Variants in SP140 observed in about 807,000 individuals in gnomAD.
SP140 encodes the protein nuclear body protein SP140.
In SP140, 81 loss-of-function variants were observed where a neutral mutation model predicts 125.0. That is an observed-to-expected ratio of 0.65 (90% CI 0.54 to 0.78). The LOEUF (loss-of-function observed/expected upper bound fraction) is 0.78, where lower values mean the gene tolerates loss of function less well. Among genes scored for constraint, SP140 ranks in the 30% least tolerant of loss-of-function variants. The probability of loss-of-function intolerance (pLI) is 0.00; values close to 1 mark genes in which losing one functional copy is unlikely to be tolerated. For missense variants in SP140, 858 were observed against 1,037.0 expected (o/e 0.83, Z 2.37); for synonymous variants, 312 against 354.0 (o/e 0.88, Z 1.33).
rs755559364 is a variant in SP140 at position 230,225,849 on chromosome 2, C to T, written c.5C>T (p.Ala2Val). Residue 2 changes from alanine (A) to valine (V), a missense_variant, in exon 1 of 27, where the codon GCC becomes GTC. Physicochemically the swap from Ala to Val is moderately conservative, Grantham distance 64 (BLOSUM62 0). Transcript: ENST00000392045. ...GTGTGATCCTAGGCCAAGCTCATGG[C>T]CCAGCAGGGCCAGCAGGGGCAGATG... is the stretch of plus-strand genomic sequence containing the variant. Reference protein sequence around the residue: MAQQGQQGQMAS... With the variant: MVQQGQQGQMAS... 2.5e-6 allele frequency: 4 copies of T among 1,613,898 alleles called. No homozygotes were observed. Among genetic ancestry groups the T allele is most frequent in the Non-Finnish European group, 3.4e-6 (4 of 1,179,808 alleles).
the SP140 span, chr2:230,186,262 T>G: frequency 3.1e-6 from 3 of 978,778 alleles, no homozygotes; most frequent in Non-Finnish European, 4.7e-6. Context: ...GTGTGTATCT[T>G]TCTTCCCCCC....
chr2:230,292,985 C>T (rs370640948), intron 20 of SP140, among the ~76,000 whole-genome samples, 197 bp downstream of exon 20: 37 of 152,304 alleles, frequency 2.4e-4, no homozygotes, highest in African/African-American at 8.2e-4. Flanking sequence ...CCAGGGGCTC[C>T]GTCAGGATAG....
At position 230,274,960 on chromosome 2, in the gene SP140, A is replaced by C. The variant is rs188229718; in HGVS notation, c.1498+4321A>C. Among the ~76,000 whole-genome samples the C allele has an allele frequency of 2.4e-4, 37 of 152,222 alleles. 1 individual carries two copies. The highest frequency in any genetic ancestry group is 8.7e-4 in the African/African-American group (36 of 41,548). On this transcript the variant is annotated intron_variant, in intron 15 of 26. Coordinates refer to ENST00000392045, the MANE Select transcript of SP140 (RefSeq NM_007237.5). Reference sequence around the variant, plus strand: ...AAACATTTAATATCTTGCCAACTTAACTGTAAAAAAAAGTTTTATTTCATT... The same window carrying C: ...AAACATTTAATATCTTGCCAACTTACCTGTAAAAAAAAGTTTTATTTCATT...
At position 230,288,345 on chromosome 2, in the gene SP140, G is replaced by C. The variant is rs189656607; in HGVS notation, c.1720+379G>C. On this transcript the variant is annotated intron_variant, in intron 18 of 26. Transcript: ENST00000392045. Reference sequence around the variant, plus strand: ...AGGGTGAAAAAGAGTTGTGGTTAGAGATCTGTGTCCTAAGACTTTCTTTTT... The same window carrying C: ...AGGGTGAAAAAGAGTTGTGGTTAGACATCTGTGTCCTAAGACTTTCTTTTT... Among the ~76,000 whole-genome samples, 7 of 152,374 alleles carry C rather than the reference G, an allele frequency of 4.6e-5. No homozygotes were observed. The East Asian group carries it at 1.2e-3, about 25-fold the overall frequency.
intron 1 of SP140, among the ~76,000 whole-genome samples, chr2:230,206,595 T>TTATATATATATATATATATATA (rs56817002): frequency 4.1e-4 from 29 of 70,502 alleles, no homozygotes; most frequent in East Asian, 8.0e-4. Flanking sequence ...GGTCCAGATT[T>TTATATATATATATATATATATA]TATATATATA....
At chr2:230,195,589 C>T in the SP140 span, among the ~76,000 whole-genome samples, 1 of 152,082 alleles carries the variant, frequency 6.6e-6, no homozygotes, top group Non-Finnish European at 1.5e-5. Context: ...CTCAGCCTCC[C>T]AAGGTGCTGG....
At chr2:230,238,408 G>A (rs2048271333) in intron 3 of SP140, 27 bp downstream of exon 3, 1 of 1,586,262 alleles carries the variant, frequency 6.3e-7, no homozygotes. Flanking sequence ...ACAGCTTTGG[G>A]GGATTCAAGC....
chr2:230,307,456 T>A lies in SP140; in HGVS notation c.2059-2468T>A, dbSNP rs369875449. ...CTTTGGGGAGCCCAGACCTGGAAGC[T>A]CCCTGAGCCAGGGCTGTGACTCCCT... is the stretch of plus-strand genomic sequence containing the variant. On this transcript the variant is annotated intron_variant, in intron 22 of 26. Coordinates refer to ENST00000392045, the MANE Select transcript of SP140 (RefSeq NM_007237.5). 1.1e-4 allele frequency among the ~76,000 whole-genome samples: 17 copies of A among 152,328 alleles called. No homozygotes were observed. The East Asian group carries it at 3.3e-3, about 29-fold the overall frequency.
chr2:230,222,780 A>G (rs767510255), upstream of SP140, among the ~76,000 whole-genome samples: 5 of 150,576 alleles, frequency 3.3e-5, no homozygotes, highest in Non-Finnish European at 5.9e-5. Context: ...CCTTAAGGCC[A>G]GCACCAGGCA....
At chr2:230,218,580 C>CATT (rs1298794504) in intron 3 of SP140, among the ~76,000 whole-genome samples, 2 of 152,114 alleles carry the variant, frequency 1.3e-5, no homozygotes, top group African/African-American at 2.4e-5. Context: ...TAGAACAATT[C>CATT]ATTATACAGC....
chr2:230,206,505 C>G (rs1357026734), intron 1 of SP140, among the ~76,000 whole-genome samples: 1 of 149,804 alleles, frequency 6.7e-6, no homozygotes, highest in East Asian at 2.0e-4. Flanking sequence ...CTCTTTTCTT[C>G]TCCCATAGAT....
chr2:230,288,612 C>T (rs2056764595), intron 18 of SP140, among the ~76,000 whole-genome samples: 1 of 151,818 alleles, frequency 6.6e-6, no homozygotes, highest in African/African-American at 2.4e-5. Flanking sequence ...CTAATGCTAT[C>T]CTTCCCCTAA....
chr2:230,282,327 A>G (rs1334212724), intron 15 of SP140, among the ~76,000 whole-genome samples: 1 of 152,142 alleles, frequency 6.6e-6, no homozygotes, highest in Non-Finnish European at 1.5e-5. Context: ...TGGTATTCAA[A>G]TATCCTTGAA....
chr2:230,285,973 A>C, intron 17 of SP140, 141 bp downstream of exon 17: 1 of 629,998 alleles, frequency 1.6e-6, no homozygotes, highest in Non-Finnish European at 2.8e-6. Context: ...AAAAGAGCAA[A>C]CTCATTATAA....
At chr2:230,256,719 T>C (rs2149263738) in intron 12 of SP140, among the ~76,000 whole-genome samples, 1 of 152,326 alleles carries the variant, frequency 6.6e-6, no homozygotes, top group Non-Finnish European at 1.5e-5. Flanking sequence ...AAAAAGGGTA[T>C]CATTCCTCTG....
chr2:230,269,019 GT>G (rs2053546416), intron 12 of SP140, among the ~76,000 whole-genome samples: 1 of 152,206 alleles, frequency 6.6e-6, no homozygotes, highest in Non-Finnish European at 1.5e-5. Flanking sequence ...TTTATAGAGA[GT>G]TTTAGGAAGC....
At chr2:230,219,938 T>C (rs1000426200) in intron 3 of SP140, 24 of 985,356 alleles carry the variant, frequency 2.4e-5, no homozygotes, top group South Asian at 9.4e-5. Flanking sequence ...CTCCTCAAGA[T>C]TGGGAGAGTT....
At chr2:230,309,890 T>G (rs756366674) in intron 22 of SP140, 34 bp from the exon 23 acceptor site, 1 of 1,610,476 alleles carries the variant, frequency 6.2e-7, no homozygotes, top group South Asian at 1.1e-5. Flanking sequence ...AATCTTGCGG[T>G]TCCCAGTGAC....
rs541356946 is a variant in SP140, at chr2:230,266,126, C to T, written c.1241-3406C>T. ...CATTGTCTTCAAGACTCAGTTAATC[C>T]TAGAAATCCTCTTATCTTTCCTTCA... On this transcript the variant is annotated intron_variant, in intron 12 of 26. Transcript: ENST00000392045. 2.6e-5 allele frequency among the ~76,000 whole-genome samples: 4 copies of T among 152,208 alleles called. No homozygotes were observed. In the East Asian group the frequency reaches 7.7e-4, roughly 29 times the overall value.
Sources: allele counts gnomAD v4.1 joint callset (sites outside exome capture counted in the v4.1 genomes callset), GRCh38; gene constraint gnomAD v4.1.1; transcripts MANE v1.5; gene names NCBI Gene and HGNC (gene_info 2026-07-23, HGNC 2026-07-21).